CFH: variants seen among roughly 807,000 people sequenced by gnomAD.
CFH encodes H factor 1 (complement).
A neutral mutation model predicts 147.3 loss-of-function variants in CFH; 53 were observed. That is an observed-to-expected ratio of 0.36 (90% CI 0.29 to 0.45). The LOEUF (loss-of-function observed/expected upper bound fraction) is 0.45. Among genes scored for constraint, CFH ranks in the 20% least tolerant of loss-of-function variants. The pLI is 1.00. For missense variants in CFH, 1,380 were observed against 1,498.0 expected, an observed-to-expected ratio of 0.92 and a Z score of 1.30; for synonymous variants, 536 against 489.4, an observed-to-expected ratio of 1.10 and a Z score of -1.26.
Position 196,728,446 on chromosome 1 carries a change from C to T in CFH, c.2337C>T (p.Tyr779=). 1.2e-6 allele frequency: 2 copies of T among 1,612,162 alleles called. No individual in the cohort carries two copies. The highest frequency in any genetic ancestry group is 8.5e-7 in the Non-Finnish European group (1 of 1,178,790). The change falls in exon 15 of 22, where the codon TAC becomes TAT. Residue 779 remains tyrosine, a synonymous_variant. Coordinates refer to ENST00000367429, the MANE Select transcript of CFH (RefSeq NM_000186.4). ...KEFDHNSNIR[Y]RCRGKEGWIH... ...TCGATCATAATTCTAACATAAGGTA[C>T]AGATGTAGAGGAAAAGAAGGATGGA...
intron 15 of CFH, among the ~76,000 whole-genome samples, chr1:196,731,360 A>C (rs1450213211): frequency 6.6e-6 from 1 of 151,910 alleles, no homozygotes; most frequent in South Asian, 2.1e-4. Flanking sequence ...GCTGATAGGA[A>C]CTGAATTTTG....
At chr1:196,698,427 G>C (rs1221507219) in intron 9 of CFH, among the ~76,000 whole-genome samples, 1 of 152,146 alleles carries the variant, frequency 6.6e-6, no homozygotes, top group Non-Finnish European at 1.5e-5. Context: ...ACTACCATCA[G>C]AGAATACTAT....
Position 196,728,530 on chromosome 1 carries a change from C to A in CFH, c.2413+8C>A. 1 of 1,611,740 alleles carries A rather than the reference C, an allele frequency of 6.2e-7. No homozygotes were observed. The highest frequency in any genetic ancestry group is 8.5e-7 in the Non-Finnish European group (1 of 1,178,394). ...CAGAAGTGAACTGCTCAAGTAAGCT[C>A]TTATTTTGTTTTCAGAAATGTATTC... On this transcript the variant is annotated splice_region_variant and intron_variant, in intron 15 of 21. Coordinates refer to ENST00000367429, the MANE Select transcript of CFH (RefSeq NM_000186.4).
chr1:196,726,466 A>G lies in CFH; in HGVS notation c.1874-4A>G. The G allele has an allele frequency of 1.2e-6, 2 of 1,602,960 alleles. No homozygotes were observed. Among genetic ancestry groups the G allele is most frequent in the Non-Finnish European group, 1.7e-6 (2 of 1,170,518 alleles). Reference sequence around the variant, plus strand: ...CCATTATTTACATAGTATTTCTACTATAGAGCAAGTACAATCATGTGGTCC... The same window carrying G: ...CCATTATTTACATAGTATTTCTACTGTAGAGCAAGTACAATCATGTGGTCC... On this transcript the variant is annotated splice_polypyrimidine_tract_variant and splice_region_variant and intron_variant, in intron 12 of 21. Transcript: ENST00000367429.
intron 1 of CFH, among the ~76,000 whole-genome samples, chr1:196,654,560 A>G (rs1319430807): frequency 1.3e-5 from 2 of 152,178 alleles, no homozygotes; most frequent in Non-Finnish European, 2.9e-5. Context: ...TTTGAAATAT[A>G]GTATGACCAA....
At chr1:196,676,672 C>A (rs1206085494) in intron 4 of CFH, among the ~76,000 whole-genome samples, 1 of 152,028 alleles carries the variant, frequency 6.6e-6, no homozygotes, top group Non-Finnish European at 1.5e-5. Context: ...AGTAGTATTT[C>A]CTAATTCCAC....
Position 196,740,660 on chromosome 1 carries a change from G to C in CFH, c.2824G>C (p.Val942Leu). ...KSPPEISHGV[V>L]AHMSDSYQYG... Reference sequence around the variant, plus strand: ...TCCACCTGAGATTTCTCATGGTGTTGTAGCTCACATGTCAGACAGTTATCA... The same window carrying C: ...TCCACCTGAGATTTCTCATGGTGTTCTAGCTCACATGTCAGACAGTTATCA... The change falls in exon 18 of 22, where the codon GTA becomes CTA. Residue 942 changes from valine (V) to leucine (L), a missense_variant. By Grantham distance (32) the Val-to-Leu change is conservative. Transcript: ENST00000367429. 6.2e-7 allele frequency: 1 copy of C among 1,613,618 alleles called. No homozygotes were observed. The highest frequency in any genetic ancestry group is 8.5e-7 in the Non-Finnish European group (1 of 1,179,896).
intron 9 of CFH, among the ~76,000 whole-genome samples, chr1:196,708,303 ATATGACTACC>A (rs1668642897): frequency 6.6e-6 from 1 of 152,176 alleles, no homozygotes; most frequent in African/African-American, 2.4e-5. Context: ...GATGTTCCAA[ATATGACTACC>A]TATCTGCACC....
chr1:196,739,821 A>G (rs897547346), intron 17 of CFH, among the ~76,000 whole-genome samples: 3 of 152,196 alleles, frequency 2.0e-5, no homozygotes, highest in African/African-American at 7.2e-5. Context: ...TCTCTGCAGT[A>G]CCAATTTACT....
chr1:196,730,163 G>A (rs937944416), intron 15 of CFH, among the ~76,000 whole-genome samples: 3 of 151,564 alleles, frequency 2.0e-5, no homozygotes, highest in Non-Finnish European at 3.0e-5. Flanking sequence ...GCTTCTTTGA[G>A]GTGTACTACT....
Position 196,726,636 on chromosome 1 carries a change from T to G in CFH, c.2040T>G (p.Thr680=), listed in dbSNP as rs1669146140. 1.2e-6 allele frequency: 2 copies of G among 1,610,902 alleles called. No homozygotes were observed. Among genetic ancestry groups the G allele is most frequent in the African/African-American group, 2.7e-5 (2 of 74,992 alleles). Residue 680 remains threonine (T), a synonymous_variant, in exon 13 of 22, where the codon ACT becomes ACG. Transcript: ENST00000367429. ...KIQCVDGEWT[T]LPVCIVEEST... is the part of the protein sequence containing the mutation. ...AATGTGTTGATGGAGAGTGGACAAC[T>G]TTACCAGTGTGTATTGGTAATGTAT...
intron 9 of CFH, among the ~76,000 whole-genome samples, chr1:196,697,943 G>T (rs1335716415): frequency 7.1e-6 from 1 of 140,036 alleles, no homozygotes; most frequent in Non-Finnish European, 1.5e-5. Context: ...TCATAGGTGG[G>T]AATTGAACAA....
Position 196,743,465 on chromosome 1 carries a change from G to A in CFH, c.3147G>A (p.Val1049=). The A allele has an allele frequency of 6.2e-7, 1 of 1,613,976 alleles. No homozygotes were observed. The highest frequency in any genetic ancestry group is 8.5e-7 in the Non-Finnish European group (1 of 1,179,930). The stretch of plus-strand genomic sequence containing the variant: ...TTTTCTATTCAGACACCTCCTGTGT[G>A]AATCCGCCCACAGTACAAAATGCTT... ...GRPTCRDTSC[V]NPPTVQNAYI... The change falls in exon 20 of 22, where the codon GTG becomes GTA. Residue 1049 remains valine, a synonymous_variant. Coordinates refer to ENST00000367429, the MANE Select transcript of CFH (RefSeq NM_000186.4).
chr1:196,716,740 T>G (rs143714002), intron 11 of CFH, among the ~76,000 whole-genome samples: 4 of 152,220 alleles, frequency 2.6e-5, no homozygotes, highest in African/African-American at 9.6e-5. Context: ...TGTTTTCAAT[T>G]GTTTTCTCAC....
chr1:196,694,548 T>A (rs1409098291), intron 9 of CFH, among the ~76,000 whole-genome samples: 1 of 152,192 alleles, frequency 6.6e-6, no homozygotes, highest in African/African-American at 2.4e-5. Context: ...TCAAATGGTA[T>A]CTCTGGTTCT....
At chr1:196,712,624 T>C (rs1415703370) in intron 9 of CFH, among the ~76,000 whole-genome samples, 1 of 151,554 alleles carries the variant, frequency 6.6e-6, no homozygotes, top group African/African-American at 2.4e-5. Context: ...ATTATTATTA[T>C]TATTATTATA....
At chr1:196,691,268 T>A (rs1342205924) in intron 9 of CFH, among the ~76,000 whole-genome samples, 3 of 152,122 alleles carry the variant, frequency 2.0e-5, no homozygotes, top group Non-Finnish European at 4.4e-5. Context: ...CAAGCAGTGA[T>A]ATGACATTTT....
rs566608873 is a variant in CFH, at chr1:196,747,451, C to G, written c.*138C>G. The G allele has an allele frequency of 2.9e-5, 28 of 956,176 alleles. No homozygotes were observed. The highest frequency in any genetic ancestry group is 4.2e-5 in the Non-Finnish European group (26 of 615,376). 59.2% of individuals were successfully genotyped at this position (956,176 alleles called of 1,614,324 possible). ...TAATTTGTGAAAATGTAATTATAAGCTGAGACCGGTGGCTCTCTTCTTAAA... is the reference window on the plus strand; with the variant it reads ...TAATTTGTGAAAATGTAATTATAAGGTGAGACCGGTGGCTCTCTTCTTAAA... On this transcript the variant is annotated 3_prime_UTR_variant, in exon 22 of 22. Coordinates refer to ENST00000367429, the MANE Select transcript of CFH (RefSeq NM_000186.4).
At chr1:196,732,734 A>G (rs1372327898) in intron 15 of CFH, among the ~76,000 whole-genome samples, 1 of 151,994 alleles carries the variant, frequency 6.6e-6, no homozygotes, top group Non-Finnish European at 1.5e-5. Context: ...ACATCTTTTC[A>G]GGACCTGGGA....
Sources: allele counts gnomAD v4.1 joint callset (sites outside exome capture counted in the v4.1 genomes callset), GRCh38; gene constraint gnomAD v4.1.1; transcripts MANE v1.5; gene names NCBI Gene and HGNC (gene_info 2026-07-23, HGNC 2026-07-21).